LRRFIP2: variants seen among roughly 807,000 people sequenced by gnomAD.
LRRFIP2 encodes LRR binding FLII interacting protein 2, also known as leucine-rich repeat flightless-interacting protein 2.
Under a neutral mutation model 125.9 loss-of-function variants are expected in LRRFIP2, and 109 were observed. That is an observed-to-expected ratio of 0.87 (90% CI 0.74 to 1.01). The LOEUF (loss-of-function observed/expected upper bound fraction) is 1.01, where lower values mean the gene tolerates loss of function less well. LRRFIP2 is among the 50% of genes least tolerant of loss of function. The pLI is 0.00. For synonymous variants in LRRFIP2, 291 were observed against 293.1 expected (o/e 0.99, Z 0.07); for missense variants, 850 against 862.3 (o/e 0.99, Z 0.18).
At chr3:37,164,715 C>A (rs185562976) in intron 1 of LRRFIP2, among the ~76,000 whole-genome samples, 6 of 147,338 alleles carry the variant, frequency 4.1e-5, no homozygotes, top group South Asian at 2.1e-4. Context: ...AAAAAGACTC[C>A]GTCTCAAAAA....
At chr3:37,132,325 C>T (rs2095447690) in intron 2 of LRRFIP2, among the ~76,000 whole-genome samples, 1 of 152,162 alleles carries the variant, frequency 6.6e-6, no homozygotes, top group African/African-American at 2.4e-5. Flanking sequence ...TTCAAGAATG[C>T]TAATTTTATC....
At chr3:37,097,196 C>CAA (rs567057697) in intron 15 of LRRFIP2, among the ~76,000 whole-genome samples, 1 of 120,528 alleles carries the variant, frequency 8.3e-6, no homozygotes, top group Non-Finnish European at 1.8e-5. Context: ...TGCACATGAC[C>CAA]AAAAAAAAAA....
intron 1 of LRRFIP2, among the ~76,000 whole-genome samples, chr3:37,165,805 GAA>G (rs71091698): frequency 9.4e-6 from 1 of 106,398 alleles, no homozygotes; most frequent in South Asian, 3.2e-4. Flanking sequence ...GAGAAAGAAA[GAA>G]AGAAAGAAAG....
chr3:37,152,845 T>C lies in LRRFIP2; in HGVS notation c.-55-3807A>G, dbSNP rs534002149. ...TCCTTTTCAGACTAGATTGACAATT[T>C]AGTGAATGCACTATGGTATCATCCA... On this transcript the variant is annotated intron_variant, in intron 1 of 27. Coordinates refer to ENST00000336686, the MANE Select transcript of LRRFIP2 (RefSeq NM_006309.4). Among the ~76,000 whole-genome samples, 12 of 152,336 alleles carry C rather than the reference T, an allele frequency of 7.9e-5. No individual in the cohort carries two copies. In the South Asian group the frequency reaches 1.0e-3, roughly 13 times the overall value.
chr3:37,141,698 G>A (rs2095705654), intron 2 of LRRFIP2, among the ~76,000 whole-genome samples: 1 of 152,154 alleles, frequency 6.6e-6, no homozygotes, highest in Non-Finnish European at 1.5e-5. Flanking sequence ...TAAGGCCTAA[G>A]AGGCTCATCC....
chr3:37,127,853 T>C (rs2095324950), intron 3 of LRRFIP2, among the ~76,000 whole-genome samples, 173 bp from the exon 4 acceptor site: 1 of 152,232 alleles, frequency 6.6e-6, no homozygotes, highest in Non-Finnish European at 1.5e-5. Context: ...AAGAGATGCA[T>C]GTTTCCCTGT....
chr3:37,081,197 G>A (rs924570933), intron 19 of LRRFIP2, among the ~76,000 whole-genome samples: 3 of 152,168 alleles, frequency 2.0e-5, no homozygotes, highest in Admixed American at 6.5e-5. Context: ...GGCTATGATC[G>A]TGCCACTGCA....
intron 21 of LRRFIP2, chr3:37,068,885 C>G (rs1031162099): frequency 6.6e-6 from 1 of 152,158 alleles, no homozygotes; most frequent in Non-Finnish European, 1.5e-5. Flanking sequence ...TATACATGGG[C>G]TCCTGGTGTT....
chr3:37,111,024 T>G lies in LRRFIP2; in HGVS notation c.480A>C (p.Arg160Ser). The change falls in exon 9 of 28, where the codon AGA becomes AGC. Residue 160 changes from arginine (R) to serine (S), a missense_variant. Physicochemically the swap from Arg to Ser is moderately radical, Grantham distance 110 (BLOSUM62 -1). Transcript: ENST00000336686. The part of the protein sequence containing the change: ...YFDQRNYSSL[R>S]HSKPTSAYYT... ...AGTAGGCAGAGGTGGGTTTGCTATGTCTAAGACTGCTATAGTTTCTCTGGT... is the reference window on the plus strand; with the variant it reads ...AGTAGGCAGAGGTGGGTTTGCTATGGCTAAGACTGCTATAGTTTCTCTGGT... The G allele has an allele frequency of 6.2e-7, 1 of 1,613,836 alleles. No homozygotes were observed. The highest frequency in any genetic ancestry group is 1.1e-5 in the South Asian group (1 of 91,076).
chr3:37,063,948 C>T (rs367647499), intron 23 of LRRFIP2, 157 bp from the exon 24 acceptor site: 25 of 598,878 alleles, frequency 4.2e-5, no homozygotes, highest in East Asian at 1.1e-4. Flanking sequence ...AATAGCATTA[C>T]AGAAAAGTTC....
chr3:37,114,975 A>T, intron 7 of LRRFIP2, 79 bp downstream of exon 7: 1 of 1,084,456 alleles, frequency 9.2e-7, no homozygotes, highest in Non-Finnish European at 1.4e-6. Context: ...CATGAAAGTT[A>T]GTCATATTCT....
intron 19 of LRRFIP2, among the ~76,000 whole-genome samples, chr3:37,082,029 T>TA (rs1258150974): frequency 6.6e-6 from 1 of 152,204 alleles, no homozygotes; most frequent in Non-Finnish European, 1.5e-5. Context: ...TCTTTATTTT[T>TA]AAAAATGCTG....
At chr3:37,096,958 T>C (rs1404802607) in intron 15 of LRRFIP2, among the ~76,000 whole-genome samples, 7 of 152,032 alleles carry the variant, frequency 4.6e-5, no homozygotes, top group Admixed American at 3.9e-4. Flanking sequence ...ATATAAAGTT[T>C]TAGCACTGCA....
Position 37,053,859 on chromosome 3 carries a change from G to T in LRRFIP2, c.2158C>A (p.Gln720Lys), listed in dbSNP as rs377284992. Residue 720 changes from glutamine (Q) to lysine (K), a missense_variant, in exon 28 of 28, where the codon CAG (glutamine) becomes AAG (lysine). Transcript: ENST00000336686. ...GTTGAAGGGTGGTTTTCCTACTGCTGGGCCAGAAGTGCTGTCCTATTGGCC... is the reference window on the plus strand; with the variant it reads ...GTTGAAGGGTGGTTTTCCTACTGCTTGGCCAGAAGTGCTGTCCTATTGGCC... ...MKANRTALLAQQ is the reference protein window; with the variant it reads ...MKANRTALLAKQ The T allele has an allele frequency of 1.9e-6, 3 of 1,613,052 alleles. No individual in the cohort carries two copies. Among genetic ancestry groups the T allele is most frequent in the Non-Finnish European group, 2.5e-6 (3 of 1,178,994 alleles).
intron 19 of LRRFIP2, among the ~76,000 whole-genome samples, chr3:37,082,599 A>G (rs1323209192): frequency 1.3e-5 from 2 of 152,188 alleles, no homozygotes; most frequent in African/African-American, 4.8e-5. Context: ...GGACAAATGT[A>G]TCCATACATG....
intron 24 of LRRFIP2, 64 bp from the exon 25 acceptor site, chr3:37,058,974 T>C: frequency 6.3e-7 from 1 of 1,598,740 alleles, no homozygotes; most frequent in Non-Finnish European, 8.5e-7. Flanking sequence ...ATGCTTATTC[T>C]ATGGTCACAT....
In LRRFIP2 at chr3:37,079,043, G is replaced by A. The variant is rs983441185; in HGVS notation, c.1279-3927C>T. Among the ~76,000 whole-genome samples the A allele has an allele frequency of 5.9e-5, 9 of 151,886 alleles. No individual in the cohort carries two copies. The East Asian group carries it at 7.7e-4, about 13-fold the overall frequency. On this transcript the variant is annotated intron_variant, in intron 19 of 27. Coordinates refer to ENST00000336686, the MANE Select transcript of LRRFIP2 (RefSeq NM_006309.4). ...ACTCATAAAGGGAGAAAATATTTGC[G>A]AATAATATATCTGATAAAATTCTTA... is the stretch of plus-strand genomic sequence containing the variant.
At chr3:37,055,975 A>G (rs532081072) in intron 25 of LRRFIP2, among the ~76,000 whole-genome samples, 1 of 152,184 alleles carries the variant, frequency 6.6e-6, no homozygotes, top group African/African-American at 2.4e-5. Context: ...CCCCTTAATT[A>G]TAAGTCCTTC....
At position 37,103,028 on chromosome 3, in the gene LRRFIP2, A is replaced by G; in HGVS notation, c.784-15T>C. The G allele has an allele frequency of 6.5e-7, 1 of 1,539,148 alleles. No homozygotes were observed. On this transcript the variant is annotated splice_polypyrimidine_tract_variant and intron_variant, in intron 14 of 27. Coordinates refer to ENST00000336686, the MANE Select transcript of LRRFIP2 (RefSeq NM_006309.4). The stretch of plus-strand genomic sequence containing the variant: ...GCGGCAGATACCTTTCGGTCAGAAA[A>G]AAAACAAGATGCTTTCAAGGTTAAG...
Sources: gnomAD v4.1 joint callset for allele counts (sites outside exome capture counted in the v4.1 genomes callset) on GRCh38, gnomAD v4.1.1 for gene constraint, MANE v1.5 for transcripts, NCBI Gene and HGNC (gene_info 2026-07-23, HGNC 2026-07-21) for gene names.